Variants in ARPP21 observed in about 807,000 individuals in gnomAD.
The protein encoded by ARPP21 is cAMP-regulated phosphoprotein 21.
In ARPP21, 69 loss-of-function variants were observed where a neutral mutation model predicts 113.2. The observed-to-expected ratio is 0.61, with a 90% confidence interval of 0.50 to 0.74. The LOEUF (loss-of-function observed/expected upper bound fraction) is 0.74. ARPP21 is among the 30% of genes least tolerant of loss of function. ARPP21 has a pLI of 0.00. For missense variants in ARPP21, 1,070 were observed against 1,037.4 expected (o/e 1.03, Z -0.43); for synonymous variants, 368 against 375.5 (o/e 0.98, Z 0.23).
chr3:35,658,742 T>C (rs1706205805), intron 1 of ARPP21, among the ~76,000 whole-genome samples: 1 of 152,066 alleles, frequency 6.6e-6, no homozygotes, highest in African/African-American at 2.4e-5. Flanking sequence ...TAGGTTCTTT[T>C]CTGAACTGAC....
At chr3:35,677,060 A>G (rs1259713554) in intron 1 of ARPP21, among the ~76,000 whole-genome samples, 1 of 151,886 alleles carries the variant, frequency 6.6e-6, no homozygotes, top group African/African-American at 2.4e-5. Flanking sequence ...TTTCATCATA[A>G]AGTACCCATT....
chr3:35,717,989 G>T (rs1211190706), intron 13 of ARPP21, among the ~76,000 whole-genome samples: 1 of 152,082 alleles, frequency 6.6e-6, no homozygotes, highest in East Asian at 1.9e-4. Context: ...ATCCATTGTA[G>T]AGAAAAGTGT....
intron 1 of ARPP21, chr3:35,642,510 A>G (rs918896071): frequency 5.9e-5 from 9 of 152,314 alleles, no homozygotes; most frequent in African/African-American, 2.2e-4. Context: ...GAATAGTTCA[A>G]TAGGTGTTTT....
intron 19 of ARPP21, among the ~76,000 whole-genome samples, chr3:35,771,036 G>A (rs1045237855): frequency 2.0e-5 from 3 of 152,136 alleles, no homozygotes; most frequent in African/African-American, 4.8e-5. Context: ...AAGAAACTGC[G>A]GAATAGTTGG....
intron 1 of ARPP21, chr3:35,641,276 T>C (rs563963996): frequency 6.6e-6 from 1 of 152,316 alleles, no homozygotes; most frequent in South Asian, 2.1e-4. Context: ...TTCCCCAAAG[T>C]TGAAATGAAT....
At chr3:35,756,187 A>T (rs1037670611) in intron 19 of ARPP21, among the ~76,000 whole-genome samples, 1 of 152,094 alleles carries the variant, frequency 6.6e-6, no homozygotes, top group Non-Finnish European at 1.5e-5. Context: ...AATGAGTGGC[A>T]CATAAATGTA....
At chr3:35,654,387 GGC>G (rs1703836514) in intron 1 of ARPP21, among the ~76,000 whole-genome samples, 1 of 152,010 alleles carries the variant, frequency 6.6e-6, no homozygotes, top group Non-Finnish European at 1.5e-5. Context: ...CTCAGGGAAA[GGC>G]ACTACATTAT....
intron 19 of ARPP21, among the ~76,000 whole-genome samples, chr3:35,772,119 C>T (rs2096224516): frequency 2.0e-5 from 3 of 152,108 alleles, no homozygotes; most frequent in African/African-American, 7.2e-5. Flanking sequence ...CTGGTTATTG[C>T]ACCCAGTCAG....
intron 9 of ARPP21, among the ~76,000 whole-genome samples, chr3:35,701,197 T>G (rs2086245425): frequency 6.6e-6 from 1 of 151,676 alleles, no homozygotes; most frequent in Non-Finnish European, 1.5e-5. Flanking sequence ...CATGTAAAAC[T>G]TGAAATGTTT....
chr3:35,789,271 G>A (rs892929075), intron 19 of ARPP21, among the ~76,000 whole-genome samples: 1 of 152,162 alleles, frequency 6.6e-6, no homozygotes, highest in African/African-American at 2.4e-5. Context: ...AGGCACTGTC[G>A]GTTCATTCAT....
At chr3:35,738,151 C>T (rs2094466914) in intron 16 of ARPP21, 63 bp from the exon 17 acceptor site, 3 of 1,007,576 alleles carry the variant, frequency 3.0e-6, no homozygotes, top group Non-Finnish European at 4.5e-6. Flanking sequence ...CAGTGGTGTG[C>T]ATCTTGTGAG....
chr3:35,680,892 G>A (rs2078703166), intron 2 of ARPP21: 1 of 151,776 alleles, frequency 6.6e-6, no homozygotes, highest in South Asian at 2.1e-4. Flanking sequence ...CACATCAGAA[G>A]GGGAAGTGTC....
At chr3:35,732,441 G>T (rs1256328067) in intron 15 of ARPP21, among the ~76,000 whole-genome samples, 1 of 152,160 alleles carries the variant, frequency 6.6e-6, no homozygotes, top group Non-Finnish European at 1.5e-5. Context: ...TCAGGCATCT[G>T]GATGAGTGAG....
chr3:35,683,263 A>C (rs1470198747), intron 4 of ARPP21, among the ~76,000 whole-genome samples: 1 of 151,718 alleles, frequency 6.6e-6, no homozygotes, highest in Non-Finnish European at 1.5e-5. Flanking sequence ...ATTTTAAATA[A>C]AATTTAGAGT....
At chr3:35,770,238 G>A (rs776782018) in intron 19 of ARPP21, among the ~76,000 whole-genome samples, 23 of 152,142 alleles carry the variant, frequency 1.5e-4, no homozygotes, top group Middle Eastern at 3.2e-3. Context: ...TCTTAGTTCC[G>A]TAGATGTCTA....
chr3:35,652,286 A>G (rs1336592644), intron 1 of ARPP21, among the ~76,000 whole-genome samples: 1 of 152,098 alleles, frequency 6.6e-6, no homozygotes, highest in Non-Finnish European at 1.5e-5. Flanking sequence ...AGAACTAAGA[A>G]TGATTTCAAA....
At chr3:35,767,808 G>T (rs1020158295) in intron 19 of ARPP21, among the ~76,000 whole-genome samples, 1 of 151,778 alleles carries the variant, frequency 6.6e-6, no homozygotes, top group African/African-American at 2.4e-5. Context: ...CCTGACTACA[G>T]GATCTCTAAC....
At chr3:35,681,443 G>GAGAA (rs2078898032) in intron 2 of ARPP21, 1 of 250,486 alleles carries the variant, frequency 4.0e-6, no homozygotes, top group African/African-American at 2.2e-5. Context: ...ACTGGTAGTT[G>GAGAA]TGTGGGAGTT....
chr3:35,659,026 A>G (rs946702220), intron 1 of ARPP21, among the ~76,000 whole-genome samples: 1 of 152,204 alleles, frequency 6.6e-6, no homozygotes, highest in Admixed American at 6.5e-5. Flanking sequence ...TTTGAATTTC[A>G]CAGATAATGT....
Sources: allele counts gnomAD v4.1 joint callset (sites outside exome capture counted in the v4.1 genomes callset), GRCh38; gene constraint gnomAD v4.1.1; transcripts MANE v1.5; gene names NCBI Gene and HGNC (gene_info 2026-07-23, HGNC 2026-07-21).